SENP7: variants seen among roughly 807,000 people sequenced by gnomAD.
The protein encoded by SENP7 is sentrin-specific protease 7.
A neutral mutation model predicts 141.2 loss-of-function variants in SENP7; 64 were observed. The ratio of observed to expected loss-of-function variants is 0.45; its 90% CI spans 0.37 to 0.56. SENP7 has a LOEUF of 0.56. Among genes scored for constraint, SENP7 ranks in the 20% least tolerant of loss-of-function variants. The pLI, the probability that SENP7 is intolerant of heterozygous loss-of-function variation, is 0.00. For synonymous variants in SENP7, 382 were observed against 426.4 expected, an observed-to-expected ratio of 0.90 and a Z score of 1.28; for missense variants, 1,025 against 1,212.2, an observed-to-expected ratio of 0.85 and a Z score of 2.29.
intron 13 of SENP7, among the ~76,000 whole-genome samples, chr3:101,344,382 C>A (rs938789049): frequency 1.3e-5 from 2 of 152,220 alleles, no homozygotes; most frequent in Non-Finnish European, 2.9e-5. Context: ...TCTCTTCCCA[C>A]AGAATGCTTA....
At position 101,327,737 on chromosome 3, in the gene SENP7, T is replaced by C. The variant is rs2058941156; in HGVS notation, c.2944A>G (p.Lys982Glu). ...SKTNMVDLCP[K>E]VPKQDNSSDC... ...CTGCTATTGTCCTGTTTAGGAACTT[T>C]AGGGCATAGATCCACCATGTTTGTT... The change falls in exon 23 of 24, where the codon AAA becomes GAA. Residue 982 changes from lysine (K) to glutamate (E), a missense_variant. Coordinates refer to ENST00000394095, the MANE Select transcript of SENP7 (RefSeq NM_020654.5). 1 of 1,612,170 alleles carries C rather than the reference T, an allele frequency of 6.2e-7. No individual in the cohort carries two copies. The highest frequency in any genetic ancestry group is 1.3e-5 in the African/African-American group (1 of 74,974).
chr3:101,372,837 C>T (rs1241790767), intron 6 of SENP7, among the ~76,000 whole-genome samples: 1 of 151,802 alleles, frequency 6.6e-6, no homozygotes, highest in Non-Finnish European at 1.5e-5. Flanking sequence ...TTCTATAATA[C>T]TTCTTTAAAA....
chr3:101,396,125 T>C (rs2060961749), intron 6 of SENP7, among the ~76,000 whole-genome samples: 2 of 152,112 alleles, frequency 1.3e-5, no homozygotes, highest in South Asian at 4.1e-4. Context: ...AATACATGAA[T>C]CAAATAAAAT....
intron 1 of SENP7, among the ~76,000 whole-genome samples, chr3:101,506,019 A>ATTTT (rs143265103): frequency 0.17 from 23,499 of 141,094 alleles, 2,397 homozygotes; most frequent in Non-Finnish European, 0.21. Context: ...TTTATTCCAT[A>ATTTT]ATTTTTTTTT....
intron 4 of SENP7, among the ~76,000 whole-genome samples, chr3:101,424,653 C>G (rs2061898735): frequency 6.6e-6 from 1 of 152,124 alleles, no homozygotes; most frequent in Non-Finnish European, 1.5e-5. Context: ...ACCACCACAC[C>G]CGTGCCAACA....
At position 101,332,771 on chromosome 3, in the gene SENP7, A is replaced by C. The variant is rs2059089864; in HGVS notation, c.2572T>G (p.Ser858Ala). 6.7e-7 allele frequency: 1 copy of C among 1,495,912 alleles called. No individual in the cohort carries two copies. Among genetic ancestry groups the C allele is most frequent in the African/African-American group, 1.5e-5 (1 of 68,954 alleles). The allele number at this position is 1,495,912 out of a possible 1,614,324, so 92.7% of individuals were successfully genotyped here. Reference protein sequence around the residue: ...KDYIFVPVNESSHWYLAVICF... With the variant: ...KDYIFVPVNEASHWYLAVICF... ...TCTTAAATAATCTGAAATACTTACG[A>C]CTCATTTACAGGTACAAAGATGTAA... The change falls in exon 18 of 24, where the codon TCG (serine) becomes GCG (alanine). Residue 858 changes from serine to alanine, a missense_variant and splice_region_variant. This residue lies in a region of SENP7 where 295 missense variants were observed against 459.1 expected (regional missense o/e 0.64). Transcript: ENST00000394095.
chr3:101,341,744 G>A lies in SENP7; in HGVS notation c.2142C>T (p.Thr714=). Residue 714 remains threonine, a synonymous_variant, in exon 15 of 24, where the codon ACC becomes ACT. Coordinates refer to ENST00000394095, the MANE Select transcript of SENP7 (RefSeq NM_020654.5). The part of the protein sequence containing the change: ...SNTDAAKPTY[T]FLQKQSSGCY... Reference sequence around the variant, plus strand: ...AACCGCTACTTTGCTTCTGCAGGAAGGTGTAAGTAGGCTTGGCCGCATCTG... The same window carrying A: ...AACCGCTACTTTGCTTCTGCAGGAAAGTGTAAGTAGGCTTGGCCGCATCTG... 6.2e-7 allele frequency: 1 copy of A among 1,610,304 alleles called. No individual in the cohort carries two copies. The highest frequency in any genetic ancestry group is 8.5e-7 in the Non-Finnish European group (1 of 1,177,102).
At chr3:101,466,716 T>A (rs2063769235) in intron 3 of SENP7, among the ~76,000 whole-genome samples, 1 of 152,156 alleles carries the variant, frequency 6.6e-6, no homozygotes, top group South Asian at 2.1e-4. Flanking sequence ...AATCGGGCAT[T>A]CCAAGATGGC....
At chr3:101,511,488 T>C (rs950970319) in intron 1 of SENP7, among the ~76,000 whole-genome samples, 6 of 152,238 alleles carry the variant, frequency 3.9e-5, no homozygotes, top group African/African-American at 1.4e-4. Context: ...TTTCCTAATG[T>C]GTCCATTTTA....
At chr3:101,443,156 C>T (rs968635545) in intron 4 of SENP7, among the ~76,000 whole-genome samples, 1 of 152,144 alleles carries the variant, frequency 6.6e-6, no homozygotes. Flanking sequence ...CCAGTTTCAG[C>T]TTTCTACATA....
intron 4 of SENP7, among the ~76,000 whole-genome samples, chr3:101,434,659 G>C (rs2062315132): frequency 6.6e-6 from 1 of 151,994 alleles, no homozygotes; most frequent in East Asian, 1.9e-4. Context: ...CCAATAAATT[G>C]GAAAATCTAG....
intron 4 of SENP7, among the ~76,000 whole-genome samples, chr3:101,444,635 C>T (rs2062814721): frequency 1.3e-5 from 2 of 150,722 alleles, no homozygotes; most frequent in African/African-American, 4.9e-5. Context: ...AGTAAACTAT[C>T]GCAAGAACAA....
intron 1 of SENP7, among the ~76,000 whole-genome samples, chr3:101,506,781 G>C (rs1480351434): frequency 6.6e-6 from 1 of 152,248 alleles, no homozygotes; most frequent in Non-Finnish European, 1.5e-5. Context: ...GGCTGAGCAT[G>C]GTGGCTCATG....
chr3:101,461,485 C>T (rs549987281), intron 3 of SENP7, among the ~76,000 whole-genome samples: 8 of 150,126 alleles, frequency 5.3e-5, no homozygotes, highest in African/African-American at 1.5e-4. Context: ...AGAAGGAAAA[C>T]GAAGTAAAAG....
chr3:101,430,102 A>C (rs1360185438), intron 4 of SENP7, among the ~76,000 whole-genome samples: 1 of 151,938 alleles, frequency 6.6e-6, no homozygotes, highest in Non-Finnish European at 1.5e-5. Context: ...TATTTTATTG[A>C]GGATTTTCAT....
chr3:101,374,583 T>C (rs555335719), intron 6 of SENP7, among the ~76,000 whole-genome samples: 3 of 146,868 alleles, frequency 2.0e-5, no homozygotes, highest in South Asian at 4.4e-4. Flanking sequence ...TAATTCATTA[T>C]GGGGTTTCAC....
intron 11 of SENP7, chr3:101,358,205 G>C (rs2059795666): frequency 2.9e-6 from 2 of 679,718 alleles, no homozygotes; most frequent in Non-Finnish European, 4.8e-6. Context: ...CCTTCACCTG[G>C]TTTAGTCAAG....
intron 4 of SENP7, chr3:101,457,546 C>T: frequency 1.9e-6 from 3 of 1,602,386 alleles, no homozygotes; most frequent in Non-Finnish European, 2.6e-6. Flanking sequence ...AACATATGCA[C>T]CTCTTCAATA....
intron 16 of SENP7, 114 bp downstream of exon 16, chr3:101,339,981 A>T: frequency 7.4e-7 from 1 of 1,353,686 alleles, no homozygotes; most frequent in East Asian, 2.9e-5. Context: ...CAAATCTGAA[A>T]TCTTGGCAGG....
Sources: allele counts gnomAD v4.1 joint callset (sites outside exome capture counted in the v4.1 genomes callset), GRCh38; gene constraint gnomAD v4.1.1; regional missense constraint gnomAD v4.1.1; transcripts MANE v1.5; gene names NCBI Gene and HGNC (gene_info 2026-07-23, HGNC 2026-07-21).